DAB1: variants seen among roughly 807,000 people sequenced by gnomAD.
DAB1 encodes disabled homolog 1.
DAB1 carries 15 observed loss-of-function variants against 64.6 expected under a neutral mutation model. The ratio of observed to expected loss-of-function variants is 0.23; its 90% CI spans 0.16 to 0.36. The LOEUF (loss-of-function observed/expected upper bound fraction) is 0.36. Among genes scored for constraint, DAB1 ranks in the 10% least tolerant of loss-of-function variants. The pLI is 1.00. For missense variants in DAB1, 596 were observed against 706.7 expected (o/e 0.84, Z 1.78); for synonymous variants, 235 against 251.9 (o/e 0.93, Z 0.64).
intron 5 of DAB1, among the ~76,000 whole-genome samples, chr1:58,098,442 C>T (rs13375576): frequency 0.012 from 1,762 of 152,226 alleles, 26 homozygotes; most frequent in African/African-American, 0.041. Flanking sequence ...CTCAGTGACA[C>T]CATAGGCCAG....
At chr1:57,422,909 C>A (rs1685034274) in intron 1 of DAB1, among the ~76,000 whole-genome samples, 1 of 152,158 alleles carries the variant, frequency 6.6e-6, no homozygotes, top group Non-Finnish European at 1.5e-5. Context: ...AGAAAAGATG[C>A]GCCCTCCCAC....
intron 1 of DAB1, among the ~76,000 whole-genome samples, chr1:57,417,174 G>C (rs1209833464): frequency 6.6e-6 from 1 of 152,076 alleles, no homozygotes; most frequent in Non-Finnish European, 1.5e-5. Context: ...TATTTAACTG[G>C]CTTTATTTCA....
At chr1:57,491,583 G>A (rs916402127) in intron 7 of DAB1, among the ~76,000 whole-genome samples, 6 of 152,114 alleles carry the variant, frequency 3.9e-5, no homozygotes, top group Non-Finnish European at 8.8e-5. Flanking sequence ...AGCAAAATGT[G>A]GGAAAAGCAA....
At chr1:58,545,661 T>C (rs1409331267) in intron 1 of DAB1, among the ~76,000 whole-genome samples, 7 of 152,224 alleles carry the variant, frequency 4.6e-5, no homozygotes, top group African/African-American at 1.4e-4. Flanking sequence ...AGATCCTTAA[T>C]TCTTTAAGTA....
chr1:57,032,045 G>A (rs1208220489), intron 9 of DAB1, among the ~76,000 whole-genome samples: 1 of 152,198 alleles, frequency 6.6e-6, no homozygotes, highest in Non-Finnish European at 1.5e-5. Flanking sequence ...ATATGAACAA[G>A]TGATGGTTTT....
chr1:57,210,397 A>AT (rs1269035753), intron 2 of DAB1, among the ~76,000 whole-genome samples: 1 of 152,188 alleles, frequency 6.6e-6, no homozygotes, highest in East Asian at 1.9e-4. Context: ...GAAACTCAAA[A>AT]ATAATGCATA....
At chr1:57,760,617 C>T (rs1023350672) in intron 6 of DAB1, among the ~76,000 whole-genome samples, 1 of 115,528 alleles carries the variant, frequency 8.7e-6, no homozygotes, top group African/African-American at 3.7e-5. Context: ...CTCTCTCTCT[C>T]TCTCACACAC....
At chr1:58,102,783 C>T (rs571271456) in intron 5 of DAB1, among the ~76,000 whole-genome samples, 3 of 152,268 alleles carry the variant, frequency 2.0e-5, no homozygotes, top group African/African-American at 4.8e-5. Context: ...CAAAGCCTCT[C>T]GACCAATCAT....
At chr1:58,034,401 G>T (rs1034963010) in intron 5 of DAB1, among the ~76,000 whole-genome samples, 1 of 152,304 alleles carries the variant, frequency 6.6e-6, no homozygotes, top group South Asian at 2.1e-4. Flanking sequence ...GACTAATATT[G>T]CAGCCTGAGC....
At chr1:57,300,230 C>T (rs17115563) in intron 1 of DAB1, among the ~76,000 whole-genome samples, 4,022 of 152,198 alleles carry the variant, frequency 0.026, 174 homozygotes, top group African/African-American at 0.091. Flanking sequence ...GTTCTAGATG[C>T]TCAGAAAGAA....
chr1:58,174,705 C>T (rs901244720), intron 4 of DAB1, among the ~76,000 whole-genome samples: 6 of 152,104 alleles, frequency 3.9e-5, no homozygotes, highest in Admixed American at 2.6e-4. Flanking sequence ...CTGTGTCTAG[C>T]TAGAGGATTG....
chr1:58,257,049 A>G (rs530202045), intron 4 of DAB1, among the ~76,000 whole-genome samples: 56 of 152,374 alleles, frequency 3.7e-4, no homozygotes, highest in African/African-American at 1.3e-3. Context: ...TCATTCATGC[A>G]ATAAGCATTC....
intron 7 of DAB1, among the ~76,000 whole-genome samples, chr1:57,534,369 G>A (rs971851842): frequency 1.3e-5 from 2 of 152,200 alleles, no homozygotes; most frequent in Non-Finnish European, 1.5e-5. Context: ...TTGGCTGCCA[G>A]CATGAAGTCA....
intron 5 of DAB1, among the ~76,000 whole-genome samples, chr1:57,934,189 T>C (rs1383891240): frequency 1.3e-5 from 2 of 151,278 alleles, no homozygotes; most frequent in East Asian, 3.9e-4. Context: ...CCGCCCAAAG[T>C]GCGGGATTAC....
intron 6 of DAB1, among the ~76,000 whole-genome samples, chr1:57,693,320 TG>T (rs1225479848): frequency 6.6e-6 from 1 of 151,012 alleles, no homozygotes; most frequent in East Asian, 1.9e-4. Context: ...CTGGGTCAAG[TG>T]GGGATTTAGA....
intron 1 of DAB1, among the ~76,000 whole-genome samples, chr1:57,374,613 G>C (rs771475725): frequency 5.9e-5 from 9 of 152,126 alleles, no homozygotes; most frequent in Non-Finnish European, 1.0e-4. Flanking sequence ...AAGAGACCTA[G>C]ACAATTCTTT....
Position 57,383,406 on chromosome 1 carries a change from CA to C in DAB1, c.-137+40523del, listed in dbSNP as rs371021900. 3.9e-4 allele frequency among the ~76,000 whole-genome samples: 60 copies of C among 152,230 alleles called. No individual in the cohort carries two copies. The South Asian group carries it at 1.0e-2, about 25-fold the overall frequency. On this transcript the variant is annotated intron_variant, in intron 1 of 14. Transcript: ENST00000371236. ...TGAAGAGCACAGAAACCTATCTCTG[CA>C]CATTACTGGCAGGATGATCTGGAGC...
At chr1:57,609,337 T>C (rs1395342262) in intron 7 of DAB1, among the ~76,000 whole-genome samples, 1 of 152,252 alleles carries the variant, frequency 6.6e-6, no homozygotes, top group African/African-American at 2.4e-5. Context: ...CAACTATTCG[T>C]GTAGCGTTGA....
At chr1:57,739,743 A>T (rs2101787905) in intron 6 of DAB1, among the ~76,000 whole-genome samples, 1 of 151,288 alleles carries the variant, frequency 6.6e-6, no homozygotes, top group South Asian at 2.1e-4. Context: ...GTGAGCCACC[A>T]CACCCACCTA....
Sources: gnomAD v4.1 joint callset for allele counts (sites outside exome capture counted in the v4.1 genomes callset) on GRCh38, gnomAD v4.1.1 for gene constraint, MANE v1.5 for transcripts, NCBI Gene and HGNC (gene_info 2026-07-23, HGNC 2026-07-21) for gene names.